SVBP: variants seen among roughly 807,000 people sequenced by gnomAD.
The protein encoded by SVBP is small vasohibin binding protein.
SVBP carries 9 observed loss-of-function variants against 9.2 expected under a neutral mutation model. The ratio of observed to expected loss-of-function variants is 0.98; its 90% CI spans 0.59 to 1.71. The LOEUF is 1.71. Among genes scored for constraint, SVBP ranks in the 40% most tolerant of loss-of-function variants. The pLI is 0.00. For synonymous variants in SVBP, 27 were observed against 23.9 expected, an observed-to-expected ratio of 1.13 and a Z score of -0.37; for missense variants, 63 against 73.2, an observed-to-expected ratio of 0.86 and a Z score of 0.51.
At chr1:42,813,917 G>T (rs1654134986) in intron 2 of SVBP, 1 of 199,356 alleles carries the variant, frequency 5.0e-6, no homozygotes, top group Non-Finnish European at 1.1e-5. Flanking sequence ...TAACCCAAAG[G>T]TAGATTTCAG....
rs928085819 is a variant in SVBP, at chr1:42,817,296, G to A, written c.-143C>T. The A allele has an allele frequency of 7.5e-6, 9 of 1,199,888 alleles. No individual in the cohort carries two copies. The highest frequency in any genetic ancestry group is 2.8e-5 in the Admixed American group (1 of 35,994). 74.3% of individuals were successfully genotyped at this position (1,199,888 alleles called of 1,614,324 possible). On this transcript the variant is annotated 5_prime_UTR_variant, in exon 1 of 3. Coordinates refer to ENST00000372521, the MANE Select transcript of SVBP (RefSeq NM_199342.4). Reference sequence around the variant, plus strand: ...CCGACCACTGGACCCAGCGCTGCCTGCCCACCGCCCCTCGTCCTGGGCGGG... The same window carrying A: ...CCGACCACTGGACCCAGCGCTGCCTACCCACCGCCCCTCGTCCTGGGCGGG...
At position 42,817,303 on chromosome 1, in the gene SVBP, G is replaced by C; in HGVS notation, c.-150C>G. ...CTGGACCCAGCGCTGCCTGCCCACC[G>C]CCCCTCGTCCTGGGCGGGGCCGCGC... On this transcript the variant is annotated 5_prime_UTR_variant, in exon 1 of 3. Coordinates refer to ENST00000372521, the MANE Select transcript of SVBP (RefSeq NM_199342.4). 1 of 1,190,378 alleles carries C rather than the reference G, an allele frequency of 8.4e-7. No homozygotes were observed. Among genetic ancestry groups the C allele is most frequent in the Non-Finnish European group, 1.1e-6 (1 of 924,676 alleles). The allele number at this position is 1,190,378 out of a possible 1,614,324, so 73.7% of individuals were successfully genotyped here.
At chr1:42,812,879 T>A (rs529331283) in intron 2 of SVBP, among the ~76,000 whole-genome samples, 2 of 152,298 alleles carry the variant, frequency 1.3e-5, no homozygotes, top group South Asian at 2.1e-4. Context: ...ATAATATTTT[T>A]AAAAAAACAG....
At position 42,807,564 on chromosome 1, in the gene SVBP, A is replaced by G. The variant is rs908474876; in HGVS notation, c.115-64T>C. On this transcript the variant is annotated intron_variant, in intron 2 of 2. Coordinates refer to ENST00000372521, the MANE Select transcript of SVBP (RefSeq NM_199342.4). The stretch of plus-strand genomic sequence containing the variant: ...GCAGCTGCACAAAGCATCTTCTGAC[A>G]TAACAGGTGGTGCCTTCTGAAAATA... 115 of 1,261,462 alleles carry G rather than the reference A, an allele frequency of 9.1e-5. 1 individual carries two copies. The highest frequency in any genetic ancestry group is 8.4e-4 in the East Asian group (36 of 43,032). The allele number at this position is 1,261,462 out of a possible 1,614,324, so 78.1% of individuals were successfully genotyped here.
intron 2 of SVBP, among the ~76,000 whole-genome samples, chr1:42,808,089 T>A (rs1166993713): frequency 6.9e-6 from 1 of 145,096 alleles, no homozygotes; most frequent in East Asian, 2.1e-4. Flanking sequence ...TGGCAGATTC[T>A]GGAGAGCCAG....
chr1:42,811,978 A>T (rs551590992), intron 2 of SVBP, among the ~76,000 whole-genome samples: 2 of 152,262 alleles, frequency 1.3e-5, no homozygotes, highest in African/African-American at 4.8e-5. Context: ...AATTAAGAAT[A>T]GGGAAAAACC....
intron 2 of SVBP, among the ~76,000 whole-genome samples, chr1:42,811,845 G>C (rs965182019): frequency 4.6e-5 from 7 of 152,052 alleles, no homozygotes; most frequent in African/African-American, 1.7e-4. Context: ...TTTACAGAAG[G>C]GTGTCAATAA....
intron 2 of SVBP, among the ~76,000 whole-genome samples, chr1:42,810,836 C>G (rs1654068061): frequency 6.6e-6 from 1 of 151,926 alleles, no homozygotes; most frequent in African/African-American, 2.4e-5. Context: ...ACATTCCAGG[C>G]AATAAAGATT....
chr1:42,811,187 G>A (rs1654077449), intron 2 of SVBP, among the ~76,000 whole-genome samples: 1 of 150,654 alleles, frequency 6.6e-6, no homozygotes. Flanking sequence ...AAAACAGCAA[G>A]GCAGCTGTAG....
rs772346014 is a variant in SVBP at position 42,813,797 on chromosome 1, T to G, written c.114+2634A>C. On this transcript the variant is annotated intron_variant, in intron 2 of 2. Coordinates refer to ENST00000372521, the MANE Select transcript of SVBP (RefSeq NM_199342.4). ...TCTCCTGCTTCAGGGCTGTTTCTTA[T>G]AGCAACCCTCATATTGTTCACCAAA... 1.0e-5 allele frequency: 5 copies of G among 490,370 alleles called. No homozygotes were observed. In the East Asian group the frequency reaches 2.2e-4, roughly 22 times the overall value. The allele number at this position is 490,370 out of a possible 1,614,324, so 30.4% of individuals were successfully genotyped here.
chr1:42,817,173 G>T lies in SVBP; in HGVS notation c.-37+17C>A. The T allele has an allele frequency of 8.1e-7, 1 of 1,236,506 alleles. No homozygotes were observed. Among genetic ancestry groups the T allele is most frequent in the Non-Finnish European group, 1.0e-6 (1 of 963,286 alleles). The allele number at this position is 1,236,506 out of a possible 1,614,324, so 76.6% of individuals were successfully genotyped here. A position where few individuals can be genotyped will look rare whatever the true frequency, so the allele number is the denominator to read the frequency against. On this transcript the variant is annotated intron_variant, in intron 1 of 2. Transcript: ENST00000372521. ...CGGTCGCTGGAGCCGCCGACCAAGA[G>T]GCTTGGGAGTCTGTACCTTTCCCGA...
intron 2 of SVBP, among the ~76,000 whole-genome samples, chr1:42,810,336 C>T (rs1047159654): frequency 5.3e-5 from 8 of 152,080 alleles, no homozygotes; most frequent in African/African-American, 4.8e-5. Context: ...TTAGTAGAGA[C>T]GGGATTTCAC....
intron 2 of SVBP, among the ~76,000 whole-genome samples, chr1:42,815,056 A>C (rs1355260305): frequency 6.6e-6 from 1 of 152,132 alleles, no homozygotes; most frequent in African/African-American, 2.4e-5. Flanking sequence ...GGATGAGTTC[A>C]TGTCCTTTGT....
intron 2 of SVBP, chr1:42,813,612 A>G (rs1654126549): frequency 3.8e-6 from 2 of 528,744 alleles, no homozygotes; most frequent in Non-Finnish European, 7.7e-6. Context: ...GTCACTTTTG[A>G]TTGGTGTGAG....
Position 42,816,424 on chromosome 1 carries a change from A to T in SVBP, c.114+7T>A. The stretch of plus-strand genomic sequence containing the variant: ...ACAGGCATACAGAGCCTCCGCCTTA[A>T]TCTCACCTCTGCTCTTTGTCTCTGC... On this transcript the variant is annotated splice_region_variant and intron_variant, in intron 2 of 2. Transcript: ENST00000372521. 6.3e-7 allele frequency: 1 copy of T among 1,578,094 alleles called. No homozygotes were observed. The highest frequency in any genetic ancestry group is 8.7e-7 in the Non-Finnish European group (1 of 1,147,562).
At chr1:42,813,673 T>G (rs945516964) in intron 2 of SVBP, 1 of 532,098 alleles carries the variant, frequency 1.9e-6, no homozygotes, top group Non-Finnish European at 3.8e-6. Flanking sequence ...GAGCATTTGT[T>G]GTACACGGAA....
intron 1 of SVBP, 172 bp downstream of exon 1, chr1:42,817,018 C>T (rs1654233288): frequency 1.5e-5 from 5 of 343,740 alleles, no homozygotes; most frequent in Non-Finnish European, 2.1e-5. Context: ...CTCCTGGGGC[C>T]AGGGGGCCGG....
chr1:42,810,435 T>C (rs1056225849), intron 2 of SVBP, among the ~76,000 whole-genome samples: 14 of 152,236 alleles, frequency 9.2e-5, no homozygotes, highest in East Asian at 7.7e-4. Flanking sequence ...TGTGAGCCAC[T>C]GTGCCCGGGC....
intron 1 of SVBP, 40 bp downstream of exon 1, chr1:42,817,150 G>A (rs1172787119): frequency 8.3e-7 from 1 of 1,200,886 alleles, no homozygotes; most frequent in Admixed American, 2.9e-5. Flanking sequence ...GAAAATGGCG[G>A]TCGCTGGAGC....
Sources: gnomAD v4.1 joint callset for allele counts (sites outside exome capture counted in the v4.1 genomes callset) on GRCh38, gnomAD v4.1.1 for gene constraint, MANE v1.5 for transcripts, NCBI Gene and HGNC (gene_info 2026-07-23, HGNC 2026-07-21) for gene names.